The following CUBN variants were observed in gnomAD, a reference collection of about 807,000 sequenced individuals.
CUBN encodes the protein cubilin.
In CUBN, 282 loss-of-function variants were observed where a neutral mutation model predicts 405.3. The observed-to-expected ratio is 0.70, with a 90% CI of 0.63 to 0.77. CUBN has a LOEUF of 0.77. Ranked by LOEUF, CUBN falls within the 30% of genes least tolerant of loss-of-function variation. CUBN has a pLI of 0.00. For missense variants in CUBN, 4,514 were observed against 4,475.2 expected (o/e 1.01, Z -0.25); for synonymous variants, 1,684 against 1,617.0 (o/e 1.04, Z -0.99).
Position 16,836,366 on chromosome 10 carries a change from C to A in CUBN, c.10049G>T (p.Arg3350Ile). 1 of 1,614,092 alleles carries A rather than the reference C, an allele frequency of 6.2e-7. No homozygotes were observed. Among genetic ancestry groups the A allele is most frequent in the Non-Finnish European group, 8.5e-7 (1 of 1,179,956 alleles). ...QDSPQGHGNS[R>I]FQFCGRNASA... Reference sequence around the variant, plus strand: ...AGCATTTCTGCCACAGAACTGAAATCTTGAATTTCCGTGACCCTGAAATGA... The same window carrying A: ...AGCATTTCTGCCACAGAACTGAAATATTGAATTTCCGTGACCCTGAAATGA... Residue 3350 changes from arginine to isoleucine, a missense_variant, in exon 63 of 67, where the codon AGA becomes ATA. Physicochemically the swap from Arg to Ile is moderately conservative, Grantham distance 97. Coordinates refer to ENST00000377833, the MANE Select transcript of CUBN (RefSeq NM_001081.4).
intron 66 of CUBN, among the ~76,000 whole-genome samples, chr10:16,828,516 G>A (rs946510900): frequency 6.6e-6 from 1 of 152,112 alleles, no homozygotes; most frequent in African/African-American, 2.4e-5. Context: ...TCAGGAGTTC[G>A]AGACCAGCCT....
At chr10:17,004,888 G>A (rs1833976693) in intron 28 of CUBN, among the ~76,000 whole-genome samples, 1 of 151,996 alleles carries the variant, frequency 6.6e-6, no homozygotes. Flanking sequence ...TCAAACTCCT[G>A]ACCTCATGGT....
chr10:17,015,046 C>A (rs888769702), intron 28 of CUBN, among the ~76,000 whole-genome samples: 2 of 152,200 alleles, frequency 1.3e-5, no homozygotes. Flanking sequence ...CAAGATCCTG[C>A]ACTAGTCTCC....
intron 39 of CUBN, among the ~76,000 whole-genome samples, chr10:16,937,123 T>C (rs1200679676): frequency 1.3e-5 from 2 of 152,204 alleles, no homozygotes; most frequent in Non-Finnish European, 2.9e-5. Context: ...AAGTTTAAAA[T>C]TCGGCCCATT....
intron 40 of CUBN, among the ~76,000 whole-genome samples, chr10:16,928,532 C>CTTTT (rs35335421): frequency 0.023 from 2,426 of 107,052 alleles, 233 homozygotes; most frequent in South Asian, 0.08. Context: ...CCACCCCCCC[C>CTTTT]TTTTTTTTTT....
At chr10:17,025,485 TATCTC>T (rs1834635247) in intron 27 of CUBN, among the ~76,000 whole-genome samples, 1 of 152,220 alleles carries the variant, frequency 6.6e-6, no homozygotes, top group Admixed American at 6.5e-5. Context: ...TAATGGTACT[TATCTC>T]ATAATATTGT....
chr10:17,041,750 A>T (rs1835024034), intron 26 of CUBN, among the ~76,000 whole-genome samples: 2 of 152,168 alleles, frequency 1.3e-5, no homozygotes, highest in South Asian at 4.1e-4. Flanking sequence ...GTCTGCATGA[A>T]ATTCACAATA....
chr10:16,874,247 C>T, intron 58 of CUBN, 127 bp downstream of exon 58: 3 of 1,004,438 alleles, frequency 3.0e-6, no homozygotes, highest in Non-Finnish European at 4.7e-6. Context: ...CTAGGAACAT[C>T]ACTCCTCTGT....
intron 54 of CUBN, among the ~76,000 whole-genome samples, chr10:16,895,908 T>C (rs928949916): frequency 1.3e-5 from 2 of 152,190 alleles, no homozygotes; most frequent in East Asian, 1.9e-4. Flanking sequence ...CATTTTATTA[T>C]ATAATTTCTG....
chr10:16,977,923 G>A lies in CUBN; in HGVS notation c.4695+4561C>T, dbSNP rs375872322. 5.3e-5 allele frequency among the ~76,000 whole-genome samples: 8 copies of A among 152,242 alleles called. No individual in the cohort carries two copies. The South Asian group carries it at 1.0e-3, about 20-fold the overall frequency. ...GGTCAGGGAACTCTCTTATTTAATC[G>A]GCTATTACACATGAAAAATTATAGG... On this transcript the variant is annotated intron_variant, in intron 31 of 66. Coordinates refer to ENST00000377833, the MANE Select transcript of CUBN (RefSeq NM_001081.4).
intron 58 of CUBN, among the ~76,000 whole-genome samples, chr10:16,870,246 C>T (rs1840313148): frequency 6.6e-6 from 1 of 152,078 alleles, no homozygotes; most frequent in Admixed American, 6.6e-5. Flanking sequence ...TTTACTCTTC[C>T]CTTGTTATTT....
intron 54 of CUBN, 144 bp from the exon 55 acceptor site, chr10:16,890,671 T>C: frequency 1.2e-6 from 1 of 852,726 alleles, no homozygotes; most frequent in Non-Finnish European, 1.9e-6. Flanking sequence ...TGTAGTATTT[T>C]CTTTTGAGAA....
intron 14 of CUBN, among the ~76,000 whole-genome samples, chr10:17,096,239 T>C (rs1194672066): frequency 6.6e-6 from 1 of 152,108 alleles, no homozygotes; most frequent in Non-Finnish European, 1.5e-5. Context: ...TCATTAACAA[T>C]ATTGTATTAT....
chr10:17,019,766 C>T (rs1834441235), intron 28 of CUBN, 67 bp downstream of exon 28: 1 of 1,601,702 alleles, frequency 6.2e-7, no homozygotes, highest in Middle Eastern at 1.7e-4. Flanking sequence ...AAGTTTGGAA[C>T]TGAAAAAGAA....
chr10:16,966,362 T>C (rs1843391030), intron 31 of CUBN, among the ~76,000 whole-genome samples: 1 of 152,174 alleles, frequency 6.6e-6, no homozygotes, highest in Non-Finnish European at 1.5e-5. Flanking sequence ...TGGATTCAGA[T>C]ATAAAGCTCC....
chr10:16,893,768 T>C (rs994980882), intron 54 of CUBN, among the ~76,000 whole-genome samples: 4 of 152,190 alleles, frequency 2.6e-5, no homozygotes, highest in African/African-American at 7.2e-5. Flanking sequence ...CATTCACCTG[T>C]TGAAAGGCCT....
At chr10:16,838,511 A>T (rs1171745033) in intron 62 of CUBN, among the ~76,000 whole-genome samples, 1 of 152,136 alleles carries the variant, frequency 6.6e-6, no homozygotes, top group Non-Finnish European at 1.5e-5. Context: ...TTTTTCAATT[A>T]CCTATCATGA....
At chr10:17,001,652 A>G (rs558079926) in intron 28 of CUBN, among the ~76,000 whole-genome samples, 1 of 152,368 alleles carries the variant, frequency 6.6e-6, no homozygotes, top group South Asian at 2.1e-4. Flanking sequence ...AACAACAGTA[A>G]TAGTGAATGA....
rs1302714854 is a variant in CUBN, at chr10:16,915,023, T to C, written c.7351+9A>G. The stretch of plus-strand genomic sequence containing the variant: ...CTCAATGTTGTGTTGAATGAATCAA[T>C]GAACTCACCTTCCATACTGGATTCA... On this transcript the variant is annotated intron_variant, in intron 47 of 66. Coordinates refer to ENST00000377833, the MANE Select transcript of CUBN (RefSeq NM_001081.4). 5.6e-6 allele frequency: 9 copies of C among 1,612,950 alleles called. No homozygotes were observed. In the Admixed American group the frequency reaches 1.3e-4, roughly 24 times the overall value.
Sources: allele counts gnomAD v4.1 joint callset (sites outside exome capture counted in the v4.1 genomes callset), GRCh38; gene constraint gnomAD v4.1.1; transcripts MANE v1.5; gene names NCBI Gene and HGNC (gene_info 2026-07-23, HGNC 2026-07-21).